Variants in TMTC1 observed in about 807,000 individuals in gnomAD.
TMTC1 encodes transmembrane O-mannosyltransferase targeting cadherins 1, also known as protein O-mannosyl-transferase TMTC1.
In TMTC1, 73 loss-of-function variants were observed where a neutral mutation model predicts 104.8. The observed-to-expected ratio is 0.70, with a 90% confidence interval of 0.58 to 0.85. TMTC1 has a LOEUF of 0.85. Among genes scored for constraint, TMTC1 ranks in the 40% least tolerant of loss-of-function variants. The probability of loss-of-function intolerance (pLI) is 0.00; values close to 1 mark genes in which losing one functional copy is unlikely to be tolerated. For missense variants in TMTC1, 1,035 were observed against 1,096.1 expected, an observed-to-expected ratio of 0.94 and a Z score of 0.79; for synonymous variants, 434 against 428.7, an observed-to-expected ratio of 1.01 and a Z score of -0.15.
At chr12:29,737,413 T>G (rs1206736921) in intron 5 of TMTC1, among the ~76,000 whole-genome samples, 1 of 152,036 alleles carries the variant, frequency 6.6e-6, no homozygotes, top group Non-Finnish European at 1.5e-5. Context: ...AGCTACTTGG[T>G]AGGCTGAGGA....
chr12:29,662,666 CAAAAAA>C (rs35610791), intron 5 of TMTC1, among the ~76,000 whole-genome samples: 1 of 86,608 alleles, frequency 1.2e-5, no homozygotes. Flanking sequence ...GACTCCGTCT[CAAAAAA>C]AAAAAAAAAA....
At chr12:29,597,236 T>TA in intron 7 of TMTC1, among the ~76,000 whole-genome samples, 1 of 140,648 alleles carries the variant, frequency 7.1e-6, no homozygotes, top group African/African-American at 2.8e-5. Flanking sequence ...TTTCTTTCTT[T>TA]TCTTTCTTTT....
intron 5 of TMTC1, among the ~76,000 whole-genome samples, chr12:29,682,673 T>G (rs1437266067): frequency 6.6e-6 from 1 of 152,210 alleles, no homozygotes; most frequent in African/African-American, 2.4e-5. Flanking sequence ...TATGATTCCA[T>G]TTACATCACA....
intron 17 of TMTC1, among the ~76,000 whole-genome samples, chr12:29,510,323 C>T (rs1943798833): frequency 6.6e-6 from 1 of 151,800 alleles, no homozygotes; most frequent in African/African-American, 2.4e-5. Flanking sequence ...CTTATGAGAC[C>T]ATGAGACATC....
rs56195911 is a variant in TMTC1, at chr12:29,773,420, A to AAAAAC, written c.303-5350_303-5346dup. Among the ~76,000 whole-genome samples, 5 of 151,440 alleles carry AAAAAC rather than the reference A, an allele frequency of 3.3e-5. No homozygotes were observed. The South Asian group carries it at 8.4e-4, about 25-fold the overall frequency. ...TCTTTGACAATAGCTCTGATTTAGG[A>AAAAAC]AAAACAAAACAAAACAAAACAGTAA... is the stretch of plus-strand genomic sequence containing the variant. On this transcript the variant is annotated intron_variant, in intron 1 of 17. Transcript: ENST00000539277.
In TMTC1 at chr12:29,656,930, C is replaced by G. The variant is rs76065663; in HGVS notation, c.939-23594G>C. ...GGCCCCTAAGATGTTACAGCTAGGACAGCTGTGAGTCAGATATCAGCGACA... is the reference window on the plus strand; with the variant it reads ...GGCCCCTAAGATGTTACAGCTAGGAGAGCTGTGAGTCAGATATCAGCGACA... On this transcript the variant is annotated intron_variant, in intron 5 of 17. Transcript: ENST00000539277. Among the ~76,000 whole-genome samples, 1,470 of 152,292 alleles carry G rather than the reference C, an allele frequency of 9.7e-3. 17 individuals are homozygous for G. Among genetic ancestry groups the G allele is most frequent in the African/African-American group, 0.024 (1,011 of 41,558 alleles).
At chr12:29,720,331 G>A (rs576533283) in intron 5 of TMTC1, among the ~76,000 whole-genome samples, 6 of 152,120 alleles carry the variant, frequency 3.9e-5, no homozygotes, top group Admixed American at 6.5e-5. Context: ...CTCCTGTTTC[G>A]GTGAGTTTCT....
At chr12:29,525,959 T>C (rs1395934509) in intron 11 of TMTC1, among the ~76,000 whole-genome samples, 1 of 152,228 alleles carries the variant, frequency 6.6e-6, no homozygotes, top group Non-Finnish European at 1.5e-5. Context: ...ATGTTTTAGC[T>C]ACTATTACAG....
intron 5 of TMTC1, among the ~76,000 whole-genome samples, chr12:29,710,719 T>G (rs1235081117): frequency 1.4e-5 from 2 of 139,610 alleles, no homozygotes; most frequent in East Asian, 3.9e-4. Context: ...ATTTATAATT[T>G]TATATATTAT....
Position 29,633,312 on chromosome 12 carries a change from C to G in TMTC1, c.963G>C (p.Leu321Phe). Reference sequence around the variant, plus strand: ...CAAGCAGAAGCCACACATTGAAGGCCAAGAGGTAGGAATAGGTGAGGAATC... The same window carrying G: ...CAAGCAGAAGCCACACATTGAAGGCGAAGAGGTAGGAATAGGTGAGGAATC... ...MMRFLTYSYL[L>F]AFNVWLLLAP... is the part of the protein sequence containing the mutation. Residue 321 changes from leucine to phenylalanine, a missense_variant, in exon 6 of 18, where the codon TTG becomes TTC. Coordinates refer to ENST00000539277, the MANE Select transcript of TMTC1 (RefSeq NM_001193451.2). 1 of 1,612,530 alleles carries G rather than the reference C, an allele frequency of 6.2e-7. No individual in the cohort carries two copies. Among genetic ancestry groups the G allele is most frequent in the Non-Finnish European group, 8.5e-7 (1 of 1,179,094 alleles).
chr12:29,644,037 A>C (rs959858307), intron 5 of TMTC1, among the ~76,000 whole-genome samples: 5 of 113,092 alleles, frequency 4.4e-5, no homozygotes, highest in Non-Finnish European at 6.6e-5. Flanking sequence ...AAATATAAAT[A>C]TATAATTTAT....
At chr12:29,666,674 C>T (rs1940300224) in intron 5 of TMTC1, among the ~76,000 whole-genome samples, 1 of 152,110 alleles carries the variant, frequency 6.6e-6, no homozygotes, top group Non-Finnish European at 1.5e-5. Context: ...GTGCCATTTC[C>T]CTTACCCGGA....
intron 1 of TMTC1, among the ~76,000 whole-genome samples, chr12:29,777,612 A>G (rs540488388): frequency 1.1e-5 from 1 of 93,576 alleles, no homozygotes; most frequent in Admixed American, 1.4e-4. Context: ...ACCAGACTGT[A>G]GTCTATAAAG....
chr12:29,644,679 T>A (rs575753291), intron 5 of TMTC1, among the ~76,000 whole-genome samples: 1 of 152,188 alleles, frequency 6.6e-6, no homozygotes, highest in South Asian at 2.1e-4. Context: ...TAGCATTTGC[T>A]CCACCTCCAC....
At chr12:29,599,936 A>G (rs1302965817) in intron 7 of TMTC1, among the ~76,000 whole-genome samples, 1 of 148,248 alleles carries the variant, frequency 6.7e-6, no homozygotes, top group East Asian at 2.0e-4. Flanking sequence ...ATGTGTATAT[A>G]TATGTGTGTG....
At chr12:29,682,102 A>C (rs1431227179) in intron 5 of TMTC1, among the ~76,000 whole-genome samples, 1 of 152,224 alleles carries the variant, frequency 6.6e-6, no homozygotes, top group African/African-American at 2.4e-5. Flanking sequence ...AAAAGACATG[A>C]AGTGGTGTTT....
intron 5 of TMTC1, among the ~76,000 whole-genome samples, chr12:29,711,490 G>C (rs754910): frequency 0.15 from 22,122 of 152,108 alleles, 1,823 homozygotes; most frequent in Admixed American, 0.23. Context: ...AAAAATTAAG[G>C]ATGCTGACCT....
intron 5 of TMTC1, among the ~76,000 whole-genome samples, chr12:29,732,545 C>T (rs1056093356): frequency 5.9e-5 from 9 of 152,136 alleles, no homozygotes; most frequent in South Asian, 2.1e-4. Context: ...GACCTGGTCC[C>T]GCTATGTACT....
intron 5 of TMTC1, among the ~76,000 whole-genome samples, chr12:29,644,697 T>C (rs1187853626): frequency 6.6e-6 from 1 of 152,098 alleles, no homozygotes; most frequent in Non-Finnish European, 1.5e-5. Context: ...CACCCTCTGC[T>C]CAGGGGCTTC....
Sources: gnomAD v4.1 joint callset for allele counts (sites outside exome capture counted in the v4.1 genomes callset) on GRCh38, gnomAD v4.1.1 for gene constraint, MANE v1.5 for transcripts, NCBI Gene and HGNC (gene_info 2026-07-23, HGNC 2026-07-21) for gene names.